The following GRIP1 variants were observed in gnomAD, a reference collection of about 807,000 sequenced individuals.
GRIP1 encodes the protein glutamate receptor-interacting protein 1.
A neutral mutation model predicts 129.9 loss-of-function variants in GRIP1; 45 were observed. The observed-to-expected ratio is 0.35, with a 90% confidence interval of 0.27 to 0.44. GRIP1 has a LOEUF of 0.44. Among genes scored for constraint, GRIP1 ranks in the 20% least tolerant of loss-of-function variants. The pLI, the probability that GRIP1 is intolerant of heterozygous loss-of-function variation, is 1.00. For missense variants in GRIP1, 1,196 were observed against 1,396.8 expected (o/e 0.86, Z 2.29); for synonymous variants, 530 against 520.8 (o/e 1.02, Z -0.24).
At chr12:66,609,083 C>G (rs2064678192) in intron 1 of GRIP1, among the ~76,000 whole-genome samples, 1 of 151,884 alleles carries the variant, frequency 6.6e-6, no homozygotes, top group South Asian at 2.1e-4. Context: ...ATTATTACCT[C>G]AAATTTCACA....
intron 7 of GRIP1, among the ~76,000 whole-genome samples, chr12:66,475,819 AT>A (rs1352902250): frequency 6.6e-6 from 1 of 152,232 alleles, no homozygotes; most frequent in Non-Finnish European, 1.5e-5. Flanking sequence ...TCTGGGATGC[AT>A]TTAAAGCAGT....
intron 7 of GRIP1, among the ~76,000 whole-genome samples, chr12:66,496,741 G>A (rs982038875): frequency 6.6e-6 from 1 of 152,056 alleles, no homozygotes; most frequent in East Asian, 1.9e-4. Context: ...ACCCTTCCAC[G>A]TGGTGCTCTG....
intron 1 of GRIP1, among the ~76,000 whole-genome samples, chr12:66,842,067 T>C (rs2039728381): frequency 6.6e-6 from 1 of 152,104 alleles, no homozygotes; most frequent in South Asian, 2.1e-4. Flanking sequence ...TTGATGTCAG[T>C]CCCCTTATTG....
intron 2 of GRIP1, among the ~76,000 whole-genome samples, chr12:66,580,294 T>C (rs1442154532): frequency 1.3e-5 from 2 of 151,298 alleles, no homozygotes; most frequent in African/African-American, 2.4e-5. Flanking sequence ...TACCAGCTGC[T>C]GCAAAATCAT....
intron 2 of GRIP1, among the ~76,000 whole-genome samples, chr12:66,570,108 T>C (rs12230445): frequency 2.5e-5 from 1 of 40,314 alleles, no homozygotes; most frequent in East Asian, 6.2e-4. Flanking sequence ...GCATTGCATG[T>C]ATGTATGTAT....
At chr12:66,960,747 C>T (rs1348515758) in intron 1 of GRIP1, among the ~76,000 whole-genome samples, 1 of 152,092 alleles carries the variant, frequency 6.6e-6, no homozygotes, top group Non-Finnish European at 1.5e-5. Flanking sequence ...GCCAGGGAAG[C>T]TGCTAAACAT....
chr12:66,395,972 C>G (rs1044753009), intron 16 of GRIP1, among the ~76,000 whole-genome samples: 1 of 152,092 alleles, frequency 6.6e-6, no homozygotes. Flanking sequence ...TCCTACAGTA[C>G]GATATTTTGT....
intron 1 of GRIP1, among the ~76,000 whole-genome samples, chr12:66,633,013 G>C (rs922593136): frequency 6.6e-6 from 1 of 151,752 alleles, no homozygotes; most frequent in Non-Finnish European, 1.5e-5. Context: ...AAGAATATCT[G>C]TAACTTTTTT....
intron 18 of GRIP1, 32 bp from the exon 19 acceptor site, chr12:66,392,534 G>T: frequency 6.2e-7 from 1 of 1,602,210 alleles, no homozygotes; most frequent in Non-Finnish European, 8.6e-7. Context: ...TTAAGTATCA[G>T]AGTAAATTTA....
At chr12:66,795,523 A>T (rs1197109352) in intron 1 of GRIP1, among the ~76,000 whole-genome samples, 2 of 152,234 alleles carry the variant, frequency 1.3e-5, no homozygotes, top group Non-Finnish European at 2.9e-5. Context: ...TCAGATAATT[A>T]TCAGAAAACA....
Position 66,364,276 on chromosome 12 carries a change from AAAAAAAAAAAAAAAG to A in GRIP1, c.3012+7403_3012+7417del, listed in dbSNP as rs1467333942. Among the ~76,000 whole-genome samples the A allele has an allele frequency of 3.4e-5, 5 of 147,384 alleles. No homozygotes were observed. In the East Asian group the frequency reaches 5.9e-4, roughly 17 times the overall value. ...GCAAGACTCCATCTCAAAAAAAAAA[AAAAAAAAAAAAAAAG>A]AAAGAAAGAAAGAAAGAAAGAAATG... On this transcript the variant is annotated intron_variant, in intron 23 of 24. Transcript: ENST00000359742.
At chr12:66,462,895 A>G in intron 9 of GRIP1, 29 bp downstream of exon 9, 1 of 1,596,820 alleles carries the variant, frequency 6.3e-7, no homozygotes, top group Non-Finnish European at 8.6e-7. Context: ...GGGCCAGAGA[A>G]AGAGCTTGAT....
At chr12:67,050,791 A>C (rs1386784274) in intron 1 of GRIP1, among the ~76,000 whole-genome samples, 1 of 152,168 alleles carries the variant, frequency 6.6e-6, no homozygotes, top group Non-Finnish European at 1.5e-5. Flanking sequence ...ACCTCTGCCC[A>C]CTGCTTTACC....
chr12:66,870,921 T>C (rs1196261129), intron 1 of GRIP1, among the ~76,000 whole-genome samples: 1 of 152,130 alleles, frequency 6.6e-6, no homozygotes, highest in Non-Finnish European at 1.5e-5. Context: ...ACTGGAAACT[T>C]TAACATTATA....
intron 24 of GRIP1, among the ~76,000 whole-genome samples, chr12:66,350,414 C>T (rs1197062821): frequency 1.3e-5 from 2 of 152,080 alleles, no homozygotes; most frequent in Non-Finnish European, 1.5e-5. Flanking sequence ...GCAGGAGAAT[C>T]GCTTGAACCT....
At chr12:66,455,188 A>G (rs2058920700) in intron 11 of GRIP1, among the ~76,000 whole-genome samples, 1 of 152,208 alleles carries the variant, frequency 6.6e-6, no homozygotes, top group Non-Finnish European at 1.5e-5. Flanking sequence ...CAAAGGTAGT[A>G]TGAATGAATT....
At chr12:66,614,071 A>C (rs544694287) in intron 1 of GRIP1, among the ~76,000 whole-genome samples, 1 of 151,942 alleles carries the variant, frequency 6.6e-6, no homozygotes, top group African/African-American at 2.4e-5. Flanking sequence ...CACCTTCTCA[A>C]CCTCTGTTGG....
chr12:66,643,584 A>G (rs1168077704), intron 1 of GRIP1, among the ~76,000 whole-genome samples: 2 of 151,974 alleles, frequency 1.3e-5, no homozygotes, highest in African/African-American at 4.8e-5. Context: ...TGGTTTTGGT[A>G]TTATTATTAT....
At chr12:66,350,840 A>G (rs1421633852) in intron 24 of GRIP1, among the ~76,000 whole-genome samples, 2 of 152,166 alleles carry the variant, frequency 1.3e-5, no homozygotes, top group African/African-American at 2.4e-5. Flanking sequence ...TTGCCTTTCT[A>G]TGTTACCAAT....
Sources: gnomAD v4.1 joint callset for allele counts (sites outside exome capture counted in the v4.1 genomes callset) on GRCh38, gnomAD v4.1.1 for gene constraint, MANE v1.5 for transcripts, NCBI Gene and HGNC (gene_info 2026-07-23, HGNC 2026-07-21) for gene names.